MIB2: variants seen among roughly 807,000 people sequenced by gnomAD.
MIB2 encodes E3 ubiquitin-protein ligase MIB2.
MIB2 carries 78 observed loss-of-function variants against 96.6 expected under a neutral mutation model. The ratio of observed to expected loss-of-function variants is 0.81; its 90% CI spans 0.67 to 0.97. MIB2 has a LOEUF of 0.97. Ranked by LOEUF, MIB2 falls within the 50% of genes least tolerant of loss-of-function variation. The probability of loss-of-function intolerance (pLI) is 0.00; values close to 1 mark genes in which losing one functional copy is unlikely to be tolerated. For synonymous variants in MIB2, 820 were observed against 629.5 expected (o/e 1.30, Z -4.53); for missense variants, 1,543 against 1,424.0 (o/e 1.08, Z -1.35).
chr1:1,617,536 A>G (rs1395729156), intron 2 of MIB2: 1 of 152,156 alleles, frequency 6.6e-6, no homozygotes, highest in African/African-American at 2.4e-5. Flanking sequence ...AATGTGTGAC[A>G]CTGCCTTTAG....
intron 2 of MIB2, chr1:1,623,112 T>G: frequency 6.4e-6 from 3 of 469,080 alleles, no homozygotes; most frequent in Non-Finnish European, 7.5e-6. Flanking sequence ...TGGGAAGAGA[T>G]GGTGGTTTTC....
chr1:1,627,630 A>C, intron 12 of MIB2, 43 bp from the exon 13 acceptor site: 1 of 1,561,608 alleles, frequency 6.4e-7, no homozygotes. Context: ...GCGTCCAGCC[A>C]CCGGGCCCGG....
chr1:1,629,780 C>T (rs1343388795), intron 19 of MIB2, 76 bp downstream of exon 19: 12 of 1,413,526 alleles, frequency 8.5e-6, no homozygotes, highest in East Asian at 5.3e-5. Context: ...CCACCCCTTC[C>T]CTCCCACACT....
Position 1,625,432 on chromosome 1 carries a change from A to G in MIB2, c.864+4A>G, listed in dbSNP as rs1373811571. 3.2e-6 allele frequency: 5 copies of G among 1,559,720 alleles called. No individual in the cohort carries two copies. In the East Asian group the frequency reaches 1.2e-4, roughly 38 times the overall value. ...CTGGAACCCCAGGATGGCGGAGGTG[A>G]GCCGCCCCGCCGTGGAGCCCTGTGT... On this transcript the variant is annotated splice_donor_region_variant and intron_variant, in intron 7 of 19. Transcript: ENST00000355826. The surrounding 1 kb of genome is among the most constrained non-coding windows in gnomAD (Gnocchi z 5.0).
Position 1,629,396 on chromosome 1 carries a change from C to T in MIB2, c.2393C>T (p.Ala798Val), listed in dbSNP as rs1178208247. 4.9e-6 allele frequency: 7 copies of T among 1,440,300 alleles called. No individual in the cohort carries two copies. In the African/African-American group the frequency reaches 6.0e-5, roughly 12 times the overall value. 89.2% of individuals were successfully genotyped at this position (1,440,300 alleles called of 1,614,324 possible). A position where few individuals can be genotyped will look rare whatever the true frequency, so the allele number is the denominator to read the frequency against. Reference sequence around the variant, plus strand: ...TCCTCCCCCTGCAGGGAGCGGCAGGCGGGCGGGGGCGCGGCCCCGGGCCCC... The same window carrying T: ...TCCTCCCCCTGCAGGGAGCGGCAGGTGGGCGGGGGCGCGGCCCCGGGCCCC... ...GCAQRFRERQ[A>V]GGGAAPGPRQ... Residue 798 changes from alanine (A) to valine (V), a missense_variant, in exon 18 of 20, where the codon GCG becomes GTG. Coordinates refer to ENST00000355826, the MANE Select transcript of MIB2 (RefSeq NM_001170687.4).
intron 2 of MIB2, among the ~76,000 whole-genome samples, chr1:1,622,063 C>T (rs758287176): frequency 1.8e-4 from 27 of 152,226 alleles, no homozygotes; most frequent in Admixed American, 2.0e-4. Context: ...GAGGGCTGGC[C>T]TGTGAGGCCC....
At chr1:1,620,919 G>C (rs1644203204) in intron 2 of MIB2, among the ~76,000 whole-genome samples, 1 of 152,280 alleles carries the variant, frequency 6.6e-6, no homozygotes, top group African/African-American at 2.4e-5. Context: ...CATGACCCAG[G>C]TGGGGCCATG....
In MIB2 at chr1:1,629,398, G is replaced by A. The variant is rs1300981059; in HGVS notation, c.2395G>A (p.Gly799Ser). The A allele has an allele frequency of 3.5e-6, 5 of 1,445,768 alleles. No individual in the cohort carries two copies. Among genetic ancestry groups the A allele is most frequent in the Non-Finnish European group, 4.5e-6 (5 of 1,111,794 alleles). 89.6% of individuals were successfully genotyped at this position (1,445,768 alleles called of 1,614,324 possible). A position where few individuals can be genotyped will look rare whatever the true frequency, so the allele number is the denominator to read the frequency against. ...CTCCCCCTGCAGGGAGCGGCAGGCG[G>A]GCGGGGGCGCGGCCCCGGGCCCCAG... ...CAQRFRERQA[G>S]GGAAPGPRQT... Residue 799 changes from glycine (G) to serine (S), a missense_variant, in exon 18 of 20, where the codon GGC becomes AGC. Physicochemically the swap from Gly to Ser is moderately conservative, Grantham distance 56 (BLOSUM62 0). Transcript: ENST00000355826.
chr1:1,614,513 T>C (rs994995220), upstream of MIB2: 3 of 152,218 alleles, frequency 2.0e-5, no homozygotes, highest in Non-Finnish European at 4.4e-5. Context: ...CCCGGCCCTC[T>C]CAGATAGGCC....
chr1:1,624,947 C>T (rs1393118257), intron 5 of MIB2, 44 bp from the exon 6 acceptor site: 8 of 1,606,306 alleles, frequency 5.0e-6, no homozygotes, highest in South Asian at 1.1e-5. Flanking sequence ...CTGTGGCTGG[C>T]TCATGGCTCA....
rs748523947 is a variant in MIB2, at chr1:1,628,501, G to A, written c.1981G>A (p.Val661Met). The A allele has an allele frequency of 3.8e-6, 6 of 1,599,810 alleles. No individual in the cohort carries two copies. Among genetic ancestry groups the A allele is most frequent in the South Asian group, 1.1e-5 (1 of 90,456 alleles). ...CACCCCTCCCCAGGGCCGCTGTGAC[G>A]TGAACGTGCGCAACCGGAAGCTGCA... ...QILIREGRCD[V>M]NVRNRKLQSP... The change falls in exon 16 of 20, where the codon GTG becomes ATG. Residue 661 changes from valine to methionine, a missense_variant. Val to Met is a conservative substitution (Grantham distance 21). Coordinates refer to ENST00000355826, the MANE Select transcript of MIB2 (RefSeq NM_001170687.4).
Position 1,628,696 on chromosome 1 carries a change from C to A in MIB2, c.2176C>A (p.Pro726Thr). Reference protein sequence around the residue: ...PLVADGAGGDPGPLQLLSRLQ... With the variant: ...PLVADGAGGDTGPLQLLSRLQ... The stretch of plus-strand genomic sequence containing the variant: ...GGTGGCTGATGGGGCCGGGGGGGAC[C>A]CAGGGCCCTTGCAGCTGCTGTCCAG... Residue 726 changes from proline to threonine, a missense_variant, in exon 16 of 20, where the codon CCA (proline) becomes ACA (threonine). Pro to Thr is a conservative substitution (Grantham distance 38). Transcript: ENST00000355826. 1 of 1,561,344 alleles carries A rather than the reference C, an allele frequency of 6.4e-7. No homozygotes were observed. Among genetic ancestry groups the A allele is most frequent in the East Asian group, 2.3e-5 (1 of 42,564 alleles).
chr1:1,624,286 G>A (rs1644534404), intron 4 of MIB2: 1 of 417,382 alleles, frequency 2.4e-6, no homozygotes, highest in Non-Finnish European at 4.3e-6. Context: ...AGCCTGCTTG[G>A]GGCAAGGACA....
At chr1:1,615,903 G>T (rs1643591616) in intron 1 of MIB2, 4 of 1,019,352 alleles carry the variant, frequency 3.9e-6, no homozygotes, top group Non-Finnish European at 4.7e-6. Flanking sequence ...GCTGGGGTCG[G>T]CGCTGGGGTC....
In MIB2 at chr1:1,627,070, C is replaced by G. The variant is rs750318431; in HGVS notation, c.1241-4C>G. 19 of 1,600,554 alleles carry G rather than the reference C, an allele frequency of 1.2e-5. No homozygotes were observed. Among genetic ancestry groups the G allele is most frequent in the Non-Finnish European group, 1.6e-5 (19 of 1,174,110 alleles). On this transcript the variant is annotated splice_polypyrimidine_tract_variant and splice_region_variant and intron_variant, in intron 10 of 19. Transcript: ENST00000355826. ...GCCACCACTAACCTCAGCCCTGCCCCCAGGCTCACTGAGCGTGGCCCTGGA... is the reference window on the plus strand; with the variant it reads ...GCCACCACTAACCTCAGCCCTGCCCGCAGGCTCACTGAGCGTGGCCCTGGA...
Position 1,625,282 on chromosome 1 carries a change from G to C in MIB2, c.722-4G>C, listed in dbSNP as rs375198803. ...CCTGAGGCCTGGTCTGCCACCCTCC[G>C]CAGGCAAGCCGGCGGAGCTGCAGCG... On this transcript the variant is annotated splice_region_variant and splice_polypyrimidine_tract_variant and intron_variant, in intron 6 of 19. Coordinates refer to ENST00000355826, the MANE Select transcript of MIB2 (RefSeq NM_001170687.4). The surrounding 1 kb of genome is among the most constrained non-coding windows in gnomAD (Gnocchi z 5.0). The C allele has an allele frequency of 6.3e-7, 1 of 1,592,542 alleles. No individual in the cohort carries two copies. Among genetic ancestry groups the C allele is most frequent in the Non-Finnish European group, 8.5e-7 (1 of 1,171,982 alleles).
At chr1:1,617,375 T>C (rs6604985) in intron 2 of MIB2, 93,663 of 152,194 alleles carry the variant, frequency 0.62, 30,259 homozygotes, top group Non-Finnish European at 0.72. Flanking sequence ...ATACTTGCAA[T>C]AAGGGAACTC....
In MIB2 at chr1:1,628,811, C is replaced by T. The variant is rs1450522868; in HGVS notation, c.2202+89C>T. The T allele has an allele frequency of 6.7e-6, 8 of 1,185,444 alleles. No homozygotes were observed. The Admixed American group carries it at 2.3e-4, about 34-fold the overall frequency. The allele number at this position is 1,185,444 out of a possible 1,614,324, so 73.4% of individuals were successfully genotyped here. Reference sequence around the variant, plus strand: ...GGGCCTGTGCCACTGTCCACCTTCCCCTCCAGTGATGGCCCAGGGAGCCAG... The same window carrying T: ...GGGCCTGTGCCACTGTCCACCTTCCTCTCCAGTGATGGCCCAGGGAGCCAG... On this transcript the variant is annotated intron_variant, in intron 16 of 19. Coordinates refer to ENST00000355826, the MANE Select transcript of MIB2 (RefSeq NM_001170687.4).
In MIB2 at chr1:1,628,092, T is replaced by A; in HGVS notation, c.1754T>A (p.Leu585His). The A allele has an allele frequency of 6.2e-7, 1 of 1,613,278 alleles. No homozygotes were observed. The highest frequency in any genetic ancestry group is 1.1e-5 in the South Asian group (1 of 91,088). The change falls in exon 14 of 20, where the codon CTC becomes CAC. Residue 585 changes from leucine (L) to histidine (H), a missense_variant. Leu to His is a moderately conservative substitution (Grantham distance 99). Coordinates refer to ENST00000355826, the MANE Select transcript of MIB2 (RefSeq NM_001170687.4). ...GGAGCCAGCGGCATTGTCGAGGTCC[T>A]CACGGAGGTGCCAAACATCGATGTT... is the stretch of plus-strand genomic sequence containing the variant. The part of the protein sequence containing the change: ...GTGASGIVEV[L>H]TEVPNIDVTA...
Sources: gnomAD v4.1 joint callset for allele counts (sites outside exome capture counted in the v4.1 genomes callset) on GRCh38, gnomAD v4.1.1 for gene constraint, Gnocchi (gnomAD v3.1) non-coding constraint, MANE v1.5 for transcripts, NCBI Gene and HGNC (gene_info 2026-07-23, HGNC 2026-07-21) for gene names.